MCM4: variants seen among roughly 807,000 people sequenced by gnomAD.
MCM4 encodes the protein minichromosome maintenance complex component 4.
A neutral mutation model predicts 88.7 loss-of-function variants in MCM4; 60 were observed. The ratio of observed to expected loss-of-function variants is 0.68; its 90% CI spans 0.55 to 0.84. MCM4 has a LOEUF of 0.84. Ranked by LOEUF, MCM4 falls within the 40% of genes least tolerant of loss-of-function variation. The pLI is 0.00. For synonymous variants in MCM4, 465 were observed against 410.5 expected (o/e 1.13, Z -1.61); for missense variants, 1,149 against 1,105.5 (o/e 1.04, Z -0.56).
intron 8 of MCM4, among the ~76,000 whole-genome samples, chr8:47,965,495 C>T (rs1165347284): frequency 6.6e-6 from 1 of 152,112 alleles, no homozygotes; most frequent in East Asian, 1.9e-4. Flanking sequence ...GTAGAGGTCT[C>T]ATGAATCAGT....
In MCM4 at chr8:47,967,389, G is replaced by C; in HGVS notation, c.1078G>C (p.Asp360His). 1 of 1,614,172 alleles carries C rather than the reference G, an allele frequency of 6.2e-7. No homozygotes were observed. The highest frequency in any genetic ancestry group is 2.2e-5 in the East Asian group (1 of 44,892). Residue 360 changes from aspartate to histidine, a missense_variant, in exon 10 of 17, where the codon GAC becomes CAC. Coordinates refer to ENST00000649973, the MANE Select transcript of MCM4 (RefSeq NM_182746.3). ...GATCAAGCTTCAGGAGTCTCCGGAA[G>C]ACATGCCTGCAGGGCAGACACCACA... The part of the protein sequence containing the change: ...QMIKLQESPE[D>H]MPAGQTPHTV...
In MCM4 at chr8:47,974,753, A is replaced by G; in HGVS notation, c.2156A>G (p.Lys719Arg). ...CAATAGGCTTATGTAGACATGAGGA[A>G]GATTGGCAGTAGCCGGGGAATGGTT... The part of the protein sequence containing the change: ...ALIEAYVDMR[K>R]IGSSRGMVSA... The change falls in exon 15 of 17, where the codon AAG becomes AGG. Residue 719 changes from lysine (K) to arginine (R), a missense_variant. This residue lies in a region of MCM4 where 238 missense variants were observed against 241.6 expected (regional missense o/e 0.99). Transcript: ENST00000649973. 1 of 1,614,174 alleles carries G rather than the reference A, an allele frequency of 6.2e-7. No individual in the cohort carries two copies. Among genetic ancestry groups the G allele is most frequent in the Non-Finnish European group, 8.5e-7 (1 of 1,179,992 alleles).
Position 47,972,406 on chromosome 8 carries a change from T to C in MCM4, c.1929-451T>C, listed in dbSNP as rs181485471. ...TGAGTGGATGGACACGAAGGCCCTT[T>C]CCACACCAGGCAAAGATGCTTCTCC... On this transcript the variant is annotated intron_variant, in intron 13 of 16. Transcript: ENST00000649973. 1.2e-3 allele frequency among the ~76,000 whole-genome samples: 178 copies of C among 152,178 alleles called. 1 individual carries two copies. The highest frequency in any genetic ancestry group is 3.9e-3 in the African/African-American group (162 of 41,500).
rs1652380815 is a variant in MCM4, at chr8:47,973,082, A to G, written c.2136+18A>G. 6.2e-7 allele frequency: 1 copy of G among 1,606,336 alleles called. No individual in the cohort carries two copies. Among genetic ancestry groups the G allele is most frequent in the Non-Finnish European group, 8.5e-7 (1 of 1,176,764 alleles). On this transcript the variant is annotated intron_variant, in intron 14 of 16. Transcript: ENST00000649973. The stretch of plus-strand genomic sequence containing the variant: ...TCATCGAGGTAACCCTGCTGAAAAA[A>G]GGCTTACTGTGCCTGTAGCCCACAG...
At chr8:47,974,708 T>A in intron 14 of MCM4, 26 bp from the exon 15 acceptor site, 1 of 1,590,270 alleles carries the variant, frequency 6.3e-7, no homozygotes, top group Non-Finnish European at 8.6e-7. Context: ...GGTTTGCTTT[T>A]GCTTTTGTTT....
Position 47,969,788 on chromosome 8 carries a change from G to C in MCM4, c.1175-10G>C. ...GAAGGTAAAAGTGCATCTCCTGGTT[G>C]TGCCCTCAGGCATCTATCGAGCTGT... is the stretch of plus-strand genomic sequence containing the variant. On this transcript the variant is annotated splice_polypyrimidine_tract_variant and intron_variant, in intron 10 of 16. Coordinates refer to ENST00000649973, the MANE Select transcript of MCM4 (RefSeq NM_182746.3). 6.2e-7 allele frequency: 1 copy of C among 1,613,184 alleles called. No homozygotes were observed. The highest frequency in any genetic ancestry group is 8.5e-7 in the Non-Finnish European group (1 of 1,179,104).
intron 1 of MCM4, 32 bp downstream of exon 1, chr8:47,961,046 C>T: frequency 1.5e-6 from 2 of 1,302,116 alleles, no homozygotes; most frequent in Admixed American, 3.3e-5. Flanking sequence ...GGGCGTGGCG[C>T]GGAGCCGACG....
At chr8:47,970,403 T>G (rs1043926489) in intron 11 of MCM4, 108 bp from the exon 12 acceptor site, 24 of 1,388,536 alleles carry the variant, frequency 1.7e-5, no homozygotes, top group Non-Finnish European at 2.4e-5. Context: ...TTCCTGTGAT[T>G]TCTTAATTGT....
At chr8:47,964,449 T>C in intron 7 of MCM4, 125 bp from the exon 8 acceptor site, 1 of 634,870 alleles carries the variant, frequency 1.6e-6, no homozygotes. Flanking sequence ...ACGTGCATGA[T>C]TCTGTAGGGT....
chr8:47,961,885 T>A lies in MCM4; in HGVS notation c.236-168T>A. 3.4e-6 allele frequency: 3 copies of A among 895,406 alleles called. No homozygotes were observed. In the South Asian group the frequency reaches 5.3e-5, roughly 16 times the overall value. The allele number at this position is 895,406 out of a possible 1,614,324, so 55.5% of individuals were successfully genotyped here. On this transcript the variant is annotated intron_variant, in intron 3 of 16. Transcript: ENST00000649973. ...TAGTGAGCAGAGGAAGCAGCTTCTCTGGTGCTTTTTTTTAATAGAACATTT... is the reference window on the plus strand; with the variant it reads ...TAGTGAGCAGAGGAAGCAGCTTCTCAGGTGCTTTTTTTTAATAGAACATTT...
intron 7 of MCM4, among the ~76,000 whole-genome samples, chr8:47,963,537 A>G (rs1243725918): frequency 1.3e-5 from 2 of 152,146 alleles, no homozygotes; most frequent in African/African-American, 2.4e-5. Context: ...TGGGACTTGT[A>G]TTACTATCAA....
rs988916827 is a variant in MCM4, at chr8:47,976,987, C to T, written c.*209C>T. 7 of 386,974 alleles carry T rather than the reference C, an allele frequency of 1.8e-5. No homozygotes were observed. Among genetic ancestry groups the T allele is most frequent in the South Asian group, 5.1e-5 (2 of 39,118 alleles). The allele number at this position is 386,974 out of a possible 1,614,324, so 24.0% of individuals were successfully genotyped here. ...TTATAAATAAAAATACTATGCTGGC[C>T]GGGCGCGGTGGCTCACACCTGTAAT... On this transcript the variant is annotated 3_prime_UTR_variant, in exon 17 of 17. Coordinates refer to ENST00000649973, the MANE Select transcript of MCM4 (RefSeq NM_182746.3).
chr8:47,971,284 G>A, intron 12 of MCM4, 57 bp from the exon 13 acceptor site: 1 of 1,606,678 alleles, frequency 6.2e-7, no homozygotes, highest in Non-Finnish European at 8.5e-7. Flanking sequence ...CGAAGACGGT[G>A]CTTGTTAATT....
chr8:47,976,697 A>G lies in MCM4; in HGVS notation c.2511A>G (p.Lys837=), dbSNP rs1332552431. ...TCTCTTCCCCACAGGCAATTACTAA[A>G]GATATGTTTGAAGAAGCACTGCGTG... ...IRGQSDIAIT[K]DMFEEALRAL... The change falls in exon 17 of 17, where the codon AAA becomes AAG. Residue 837 remains lysine (K), a synonymous_variant. Coordinates refer to ENST00000649973, the MANE Select transcript of MCM4 (RefSeq NM_182746.3). 4 of 1,612,434 alleles carry G rather than the reference A, an allele frequency of 2.5e-6. No individual in the cohort carries two copies. Among genetic ancestry groups the G allele is most frequent in the African/African-American group, 2.7e-5 (2 of 74,918 alleles).
intron 10 of MCM4, 93 bp from the exon 11 acceptor site, chr8:47,969,705 G>T (rs1037428784): frequency 3.8e-6 from 5 of 1,325,038 alleles, no homozygotes; most frequent in Non-Finnish European, 5.3e-6. Context: ...GTGGTGCCTC[G>T]CTCTGAAGTG....
intron 7 of MCM4, 26 bp from the exon 8 acceptor site, chr8:47,964,548 A>G: frequency 6.4e-7 from 1 of 1,559,774 alleles, no homozygotes; most frequent in East Asian, 2.3e-5. Context: ...ATGAATACAA[A>G]TACATCTTCA....
intron 7 of MCM4, among the ~76,000 whole-genome samples, chr8:47,964,149 A>G (rs989462772): frequency 3.9e-5 from 6 of 152,160 alleles, no homozygotes; most frequent in Non-Finnish European, 7.3e-5. Context: ...CTTGAATCCC[A>G]GAGGCAGAGG....
rs944207873 is a variant in MCM4, at chr8:47,977,302, C to T, written c.*524C>T. The T allele has an allele frequency of 6.9e-6, 1 of 145,802 alleles. No homozygotes were observed. The highest frequency in any genetic ancestry group is 2.1e-4 in the East Asian group (1 of 4,818). 9.0% of individuals were successfully genotyped at this position (145,802 alleles called of 1,614,324 possible). A position where few individuals can be genotyped will look rare whatever the true frequency, so the allele number is the denominator to read the frequency against. ...AAAAAAAAACCTGCCAATTTTCAAA[C>T]ATACCGTAGAGATTATTTTCAGGTG... On this transcript the variant is annotated 3_prime_UTR_variant, in exon 17 of 17. Coordinates refer to ENST00000649973, the MANE Select transcript of MCM4 (RefSeq NM_182746.3).
At chr8:47,963,360 G>C (rs192635724) in intron 7 of MCM4, among the ~76,000 whole-genome samples, 1 of 152,048 alleles carries the variant, frequency 6.6e-6, no homozygotes, top group Non-Finnish European at 1.5e-5. Flanking sequence ...AGTCTGAAGC[G>C]ATAGAATCAC....
Sources: allele counts gnomAD v4.1 joint callset (sites outside exome capture counted in the v4.1 genomes callset), GRCh38; gene constraint gnomAD v4.1.1; regional missense constraint gnomAD v4.1.1; transcripts MANE v1.5; gene names NCBI Gene and HGNC (gene_info 2026-07-23, HGNC 2026-07-21).